ARAP2: variants seen among roughly 807,000 people sequenced by gnomAD.
ARAP2 encodes the protein ArfGAP with RhoGAP domain, ankyrin repeat and PH domain 2.
In ARAP2, 148 loss-of-function variants were observed where a neutral mutation model predicts 194.5. The ratio of observed to expected loss-of-function variants is 0.76; its 90% confidence interval spans 0.67 to 0.87. ARAP2 has a LOEUF of 0.87. Ranked by LOEUF, ARAP2 falls within the 40% of genes least tolerant of loss-of-function variation. The pLI is 0.00. For missense variants in ARAP2, 2,128 were observed against 1,989.7 expected (o/e 1.07, Z -1.32); for synonymous variants, 695 against 683.5 (o/e 1.02, Z -0.26).
At chr4:36,230,066 T>C (rs1348138311) in intron 1 of ARAP2, among the ~76,000 whole-genome samples, 5 of 152,240 alleles carry the variant, frequency 3.3e-5, no homozygotes, top group Non-Finnish European at 7.3e-5. Context: ...AAAAACTGTT[T>C]AATGTCCTAC....
At chr4:36,069,937 C>A (rs75083564) in intron 32 of ARAP2, among the ~76,000 whole-genome samples, 2,836 of 152,010 alleles carry the variant, frequency 0.019, 36 homozygotes, top group South Asian at 0.038. Flanking sequence ...ACCTTTCCCC[C>A]CTCTCTCTCT....
Position 36,187,575 on chromosome 4 carries a change from T to C in ARAP2, c.1558-4A>G. 3.9e-6 allele frequency: 6 copies of C among 1,538,718 alleles called. No individual in the cohort carries two copies. Among genetic ancestry groups the C allele is most frequent in the Non-Finnish European group, 4.3e-6 (5 of 1,151,440 alleles). On this transcript the variant is annotated splice_region_variant and splice_polypyrimidine_tract_variant and intron_variant, in intron 7 of 32. Coordinates refer to ENST00000303965, the MANE Select transcript of ARAP2 (RefSeq NM_015230.4). ...TTATTCCTTTCGAATACATCTCCTG[T>C]ATTGGTTAGAAAAAAAGAGAAGACA... is the stretch of plus-strand genomic sequence containing the variant.
intron 5 of ARAP2, among the ~76,000 whole-genome samples, chr4:36,027,681 A>G (rs1383889948): frequency 6.6e-6 from 1 of 152,150 alleles, no homozygotes; most frequent in Non-Finnish European, 1.5e-5. Flanking sequence ...GTGACATACC[A>G]TCTTCATCTC....
At position 36,206,124 on chromosome 4, in the gene ARAP2, C is replaced by T. The variant is rs79948911; in HGVS notation, c.1487+4266G>A. 2.0e-3 allele frequency among the ~76,000 whole-genome samples: 308 copies of T among 152,280 alleles called. 9 individuals carry two copies. In the East Asian group the frequency reaches 0.046, roughly 23 times the overall value. ...GAGACCCAAGGCACTCAAACACTTGCGTAGCCAGGTGGAGAACTGTTCCAG... is the reference window on the plus strand; with the variant it reads ...GAGACCCAAGGCACTCAAACACTTGTGTAGCCAGGTGGAGAACTGTTCCAG... On this transcript the variant is annotated intron_variant, in intron 6 of 32. Transcript: ENST00000303965.
At chr4:36,183,060 G>C (rs1458718747) in intron 8 of ARAP2, among the ~76,000 whole-genome samples, 2 of 152,096 alleles carry the variant, frequency 1.3e-5, no homozygotes, top group African/African-American at 2.4e-5. Flanking sequence ...TGGAGTCCTA[G>C]CAAGTTCCTA....
rs938102758 is a variant in ARAP2 at position 36,228,702 on chromosome 4, G to A, written c.785C>T (p.Ser262Leu). The A allele has an allele frequency of 1.2e-6, 2 of 1,613,956 alleles. No individual in the cohort carries two copies. The highest frequency in any genetic ancestry group is 1.7e-6 in the Non-Finnish European group (2 of 1,179,994). ...ACTTCTCACAGGTGCTAGGATTGGT[G>A]ATGATGGAACATACAAGTCATTTAC... ...MIVNDLYVPS[S>L]PILAPVRSRS... is the part of the protein sequence containing the mutation. Residue 262 changes from serine to leucine, a missense_variant, in exon 2 of 33, where the codon TCA becomes TTA. By Grantham distance (145) the Ser-to-Leu change is moderately radical. Coordinates refer to ENST00000303965, the MANE Select transcript of ARAP2 (RefSeq NM_015230.4).
At chr4:36,168,115 G>A (rs1488496609) in intron 9 of ARAP2, among the ~76,000 whole-genome samples, 2 of 151,768 alleles carry the variant, frequency 1.3e-5, no homozygotes, top group Non-Finnish European at 2.9e-5. Context: ...TGCTATATAC[G>A]CCAAAAGTAA....
intron 3 of ARAP2, among the ~76,000 whole-genome samples, chr4:36,048,425 C>A (rs1162974556): frequency 1.3e-5 from 2 of 152,016 alleles, no homozygotes; most frequent in African/African-American, 4.8e-5. Flanking sequence ...TCTATGAGTA[C>A]CAAAGGTTTA....
intron 2 of ARAP2, among the ~76,000 whole-genome samples, chr4:36,221,172 T>C (rs1213768247): frequency 6.6e-6 from 1 of 152,014 alleles, no homozygotes; most frequent in Non-Finnish European, 1.5e-5. Context: ...CTAGGAAGAG[T>C]AGGCTCTACC....
chr4:36,150,655 T>G (rs907147946), intron 16 of ARAP2, among the ~76,000 whole-genome samples: 4 of 151,812 alleles, frequency 2.6e-5, no homozygotes, highest in African/African-American at 7.3e-5. Flanking sequence ...AAAAAAAAAT[T>G]TACATAAGAT....
At chr4:36,178,469 A>G (rs1023098257) in intron 8 of ARAP2, among the ~76,000 whole-genome samples, 1 of 152,130 alleles carries the variant, frequency 6.6e-6, no homozygotes, top group Non-Finnish European at 1.5e-5. Flanking sequence ...ACTTCCAATC[A>G]CTTGGAACCT....
chr4:36,179,372 T>C (rs1240053516), intron 8 of ARAP2, among the ~76,000 whole-genome samples: 1 of 151,950 alleles, frequency 6.6e-6, no homozygotes, highest in African/African-American at 2.4e-5. Context: ...GCATCAGAAA[T>C]TGGCCAGGCG....
intron 2 of ARAP2, among the ~76,000 whole-genome samples, chr4:36,216,914 C>A (rs1031823279): frequency 8.5e-5 from 13 of 152,098 alleles, no homozygotes; most frequent in Admixed American, 2.6e-4. Context: ...CTTACATAAA[C>A]CTACATGGTA....
At chr4:36,125,030 A>G in intron 21 of ARAP2, 63 bp from the exon 22 acceptor site, 1 of 1,072,972 alleles carries the variant, frequency 9.3e-7, no homozygotes, top group Non-Finnish European at 1.4e-6. Flanking sequence ...GGATTTGTCT[A>G]TCAGCAGTAT....
intron 24 of ARAP2, among the ~76,000 whole-genome samples, chr4:36,118,324 A>G (rs1408176996): frequency 6.6e-6 from 1 of 150,970 alleles, no homozygotes; most frequent in Admixed American, 6.6e-5. Flanking sequence ...AGTAAATACA[A>G]AGAACTCATA....
intron 15 of ARAP2, among the ~76,000 whole-genome samples, chr4:36,151,874 A>T (rs1578086129): frequency 6.6e-6 from 1 of 152,328 alleles, no homozygotes; most frequent in East Asian, 1.9e-4. Flanking sequence ...TAAAATGCTA[A>T]TAATTGATAC....
intron 5 of ARAP2, among the ~76,000 whole-genome samples, chr4:36,211,877 A>C (rs1263035856): frequency 6.6e-6 from 1 of 152,072 alleles, no homozygotes; most frequent in African/African-American, 2.4e-5. Context: ...GTATCAGGTA[A>C]TGTGCCAGTA....
intron 9 of ARAP2, among the ~76,000 whole-genome samples, chr4:36,170,427 A>C (rs932733527): frequency 1.3e-5 from 2 of 152,210 alleles, no homozygotes; most frequent in African/African-American, 4.8e-5. Flanking sequence ...GTCTCTACAA[A>C]CGAAAACCAA....
At chr4:36,184,765 G>A (rs905896975) in intron 8 of ARAP2, among the ~76,000 whole-genome samples, 1 of 152,168 alleles carries the variant, frequency 6.6e-6, no homozygotes, top group Non-Finnish European at 1.5e-5. Flanking sequence ...AAGGTGATAA[G>A]CACCTCAAAG....
Sources: allele counts gnomAD v4.1 joint callset (sites outside exome capture counted in the v4.1 genomes callset), GRCh38; gene constraint gnomAD v4.1.1; transcripts MANE v1.5; gene names NCBI Gene and HGNC (gene_info 2026-07-23, HGNC 2026-07-21).